The following ROBO1 variants were observed in gnomAD, a reference collection of about 807,000 sequenced individuals.
ROBO1 encodes the protein roundabout homolog 1.
In ROBO1, 149 loss-of-function variants were observed where a neutral mutation model predicts 195.9. The ratio of observed to expected loss-of-function variants is 0.76; its 90% CI spans 0.67 to 0.87. The LOEUF (loss-of-function observed/expected upper bound fraction) is 0.87, where lower values mean the gene tolerates loss of function less well. ROBO1 is among the 40% of genes least tolerant of loss of function. The pLI, the probability that ROBO1 is intolerant of heterozygous loss-of-function variation, is 0.00. For missense variants in ROBO1, 1,933 were observed against 2,068.3 expected (o/e 0.93, Z 1.27); for synonymous variants, 816 against 733.2 (o/e 1.11, Z -1.82).
chr3:78,896,923 C>T (rs1026126305), intron 4 of ROBO1, among the ~76,000 whole-genome samples: 3 of 152,104 alleles, frequency 2.0e-5, no homozygotes, highest in Admixed American at 6.5e-5. Flanking sequence ...ACACATCTGC[C>T]TACACAGAAA....
intron 2 of ROBO1, among the ~76,000 whole-genome samples, chr3:79,163,907 C>T (rs960031761): frequency 7.9e-5 from 12 of 152,042 alleles, no homozygotes; most frequent in Non-Finnish European, 8.8e-5. Context: ...ATTGAAGGTG[C>T]GATTTTCAGA....
At chr3:78,833,007 C>T (rs778401767) in intron 4 of ROBO1, among the ~76,000 whole-genome samples, 11 of 152,058 alleles carry the variant, frequency 7.2e-5, no homozygotes, top group African/African-American at 2.7e-4. Context: ...GGCCTCACAT[C>T]GCATGCTAAG....
At chr3:79,482,311 C>T (rs1322935502) in intron 2 of ROBO1, among the ~76,000 whole-genome samples, 1 of 152,158 alleles carries the variant, frequency 6.6e-6, no homozygotes, top group African/African-American at 2.4e-5. Flanking sequence ...CAGATTTTAT[C>T]TTGAACTGTG....
intron 1 of ROBO1, among the ~76,000 whole-genome samples, chr3:79,687,721 C>G (rs189731272): frequency 6.6e-6 from 1 of 152,298 alleles, no homozygotes; most frequent in Non-Finnish European, 1.5e-5. Context: ...CAGGAAACAA[C>G]AGGTGCTGGA....
intron 4 of ROBO1, among the ~76,000 whole-genome samples, chr3:78,761,592 C>T (rs2083106852): frequency 6.6e-6 from 1 of 152,098 alleles, no homozygotes; most frequent in Admixed American, 6.5e-5. Flanking sequence ...TCTAAATAAA[C>T]AGTTGCTAGC....
At position 79,484,913 on chromosome 3, in the gene ROBO1, C is replaced by T. The variant is rs111759972; in HGVS notation, c.88+104911G>A. Among the ~76,000 whole-genome samples, 1,159 of 151,796 alleles carry T rather than the reference C, an allele frequency of 7.6e-3. 9 individuals are homozygous for T. Among genetic ancestry groups the T allele is most frequent in the African/African-American group, 0.026 (1,091 of 41,406 alleles). On this transcript the variant is annotated intron_variant, in intron 2 of 30. Transcript: ENST00000464233. ...GGACTACAGGCGTGCACCACCATGC[C>T]TAGCTAATTTTTGTATTTTTAGTAG...
At chr3:78,768,620 A>G (rs988167483) in intron 4 of ROBO1, among the ~76,000 whole-genome samples, 27 of 150,960 alleles carry the variant, frequency 1.8e-4, no homozygotes, top group African/African-American at 6.6e-4. Context: ...GTACATATAT[A>G]TTGTTGAAGG....
At position 78,670,304 on chromosome 3, in the gene ROBO1, G is replaced by T. The variant is rs377241856; in HGVS notation, c.1343-3C>A. On this transcript the variant is annotated splice_polypyrimidine_tract_variant and splice_region_variant and intron_variant, in intron 10 of 30. Coordinates refer to ENST00000464233, the MANE Select transcript of ROBO1 (RefSeq NM_002941.4). Reference sequence around the variant, plus strand: ...TGGGGGAGGCCGATCTGCAATCACTGCCAGAAGAAACAACAGGAAATAGAT... The same window carrying T: ...TGGGGGAGGCCGATCTGCAATCACTTCCAGAAGAAACAACAGGAAATAGAT... 41 of 1,555,096 alleles carry T rather than the reference G, an allele frequency of 2.6e-5. No individual in the cohort carries two copies. The African/African-American group carries it at 5.4e-4, about 21-fold the overall frequency.
At chr3:79,276,753 A>G (rs943193420) in intron 2 of ROBO1, among the ~76,000 whole-genome samples, 1 of 152,056 alleles carries the variant, frequency 6.6e-6, no homozygotes, top group Admixed American at 6.6e-5. Flanking sequence ...ATAACGTATA[A>G]GGAACTCAAC....
At chr3:79,626,338 G>C (rs1023875418) in intron 1 of ROBO1, among the ~76,000 whole-genome samples, 1 of 152,088 alleles carries the variant, frequency 6.6e-6, no homozygotes, top group Non-Finnish European at 1.5e-5. Context: ...TTGGAAGGCC[G>C]AGGCAGGAAT....
chr3:79,477,063 AC>A (rs1938580774), intron 2 of ROBO1, among the ~76,000 whole-genome samples: 1 of 152,130 alleles, frequency 6.6e-6, no homozygotes, highest in Non-Finnish European at 1.5e-5. Context: ...ATATTTTGAA[AC>A]ATCTACAGCA....
At chr3:79,494,919 G>A (rs953270924) in intron 2 of ROBO1, among the ~76,000 whole-genome samples, 1 of 152,118 alleles carries the variant, frequency 6.6e-6, no homozygotes, top group East Asian at 1.9e-4. Context: ...GATCCTACCT[G>A]AAAATGCATC....
intron 2 of ROBO1, among the ~76,000 whole-genome samples, chr3:79,371,341 AC>A (rs1258820044): frequency 6.6e-6 from 1 of 152,174 alleles, no homozygotes; most frequent in African/African-American, 2.4e-5. Context: ...ATATTTGAAT[AC>A]CTATTTCCAG....
At chr3:79,653,078 TATTA>T (rs1182094975) in intron 1 of ROBO1, among the ~76,000 whole-genome samples, 15 of 151,984 alleles carry the variant, frequency 9.9e-5, no homozygotes, top group African/African-American at 3.6e-4. Flanking sequence ...GAATTTTTAT[TATTA>T]ATTAATAATT....
At chr3:79,495,702 T>A (rs1485249850) in intron 2 of ROBO1, among the ~76,000 whole-genome samples, 2 of 152,208 alleles carry the variant, frequency 1.3e-5, no homozygotes, top group Non-Finnish European at 2.9e-5. Context: ...TTCTTCATAA[T>A]CTTATATATT....
At chr3:79,289,956 A>G (rs1416333526) in intron 2 of ROBO1, among the ~76,000 whole-genome samples, 1 of 152,056 alleles carries the variant, frequency 6.6e-6, no homozygotes, top group African/African-American at 2.4e-5. Flanking sequence ...GTACACATTT[A>G]CAGAAGAACA....
chr3:79,210,852 T>C (rs969765819), intron 2 of ROBO1, among the ~76,000 whole-genome samples: 1 of 152,096 alleles, frequency 6.6e-6, no homozygotes, highest in African/African-American at 2.4e-5. Flanking sequence ...AAACATAATA[T>C]ATAAGAGCAT....
chr3:79,278,958 T>G (rs958099054), intron 2 of ROBO1, among the ~76,000 whole-genome samples: 2 of 152,066 alleles, frequency 1.3e-5, no homozygotes, highest in East Asian at 3.9e-4. Context: ...TTTAATATCC[T>G]AAGTATCCAA....
intron 2 of ROBO1, among the ~76,000 whole-genome samples, chr3:79,294,286 A>G (rs1235327657): frequency 6.6e-6 from 1 of 152,120 alleles, no homozygotes. Flanking sequence ...CGCCTCAGAA[A>G]TAATGCCACA....
Sources: gnomAD v4.1 joint callset for allele counts (sites outside exome capture counted in the v4.1 genomes callset) on GRCh38, gnomAD v4.1.1 for gene constraint, MANE v1.5 for transcripts, NCBI Gene and HGNC (gene_info 2026-07-23, HGNC 2026-07-21) for gene names.